Variants in ERBB4 observed in about 807,000 individuals in gnomAD.
ERBB4 encodes erb-b2 receptor tyrosine kinase 4, also known as receptor tyrosine-protein kinase erbB-4.
ERBB4 carries 42 observed loss-of-function variants against 158.0 expected under a neutral mutation model. That is an observed-to-expected ratio of 0.27 (90% CI 0.21 to 0.34). The LOEUF (loss-of-function observed/expected upper bound fraction) is 0.34. Ranked by LOEUF, ERBB4 falls within the 10% of genes least tolerant of loss-of-function variation. The pLI is 1.00. For synonymous variants in ERBB4, 583 were observed against 558.7 expected (o/e 1.04, Z -0.61); for missense variants, 1,333 against 1,624.1 (o/e 0.82, Z 3.08).
At chr2:212,228,707 A>G (rs975672532) in intron 1 of ERBB4, among the ~76,000 whole-genome samples, 3 of 152,236 alleles carry the variant, frequency 2.0e-5, no homozygotes, top group African/African-American at 7.2e-5. Context: ...TGCAGTGGAA[A>G]GCAAATGGAG....
chr2:211,466,351 A>ATTT (rs1559196625), intron 20 of ERBB4, among the ~76,000 whole-genome samples: 7 of 98,962 alleles, frequency 7.1e-5, no homozygotes, highest in African/African-American at 2.8e-4. Context: ...TTTTTTTTTA[A>ATTT]AAAAAAAAAA....
chr2:212,345,061 C>G (rs963406461), intron 1 of ERBB4, among the ~76,000 whole-genome samples: 1 of 151,676 alleles, frequency 6.6e-6, no homozygotes, highest in African/African-American at 2.4e-5. Context: ...GAAGATCGAT[C>G]GAGACCATCC....
chr2:211,679,723 A>C (rs971022687), intron 12 of ERBB4, among the ~76,000 whole-genome samples: 2 of 152,182 alleles, frequency 1.3e-5, no homozygotes, highest in East Asian at 1.9e-4. Flanking sequence ...TTTGTCACCC[A>C]GATCCAAGTG....
At chr2:211,385,160 G>A (rs2125314570) in intron 27 of ERBB4, among the ~76,000 whole-genome samples, 1 of 152,046 alleles carries the variant, frequency 6.6e-6, no homozygotes, top group South Asian at 2.1e-4. Flanking sequence ...TATTAAGTGA[G>A]GATTATTTTT....
At chr2:211,758,115 A>G (rs1297978370) in intron 4 of ERBB4, among the ~76,000 whole-genome samples, 1 of 152,234 alleles carries the variant, frequency 6.6e-6, no homozygotes. Context: ...TGTGATTGTA[A>G]GAAGGACTAA....
At chr2:211,735,504 G>A (rs762504312) in intron 5 of ERBB4, among the ~76,000 whole-genome samples, 11 of 152,054 alleles carry the variant, frequency 7.2e-5, no homozygotes, top group African/African-American at 2.2e-4. Flanking sequence ...TAAATACAAC[G>A]CCAAATAGCT....
chr2:211,387,025 A>G lies in ERBB4; in HGVS notation c.3309T>C (p.Asp1103=). The change falls in exon 27 of 28, where the codon GAT becomes GAC. Residue 1103 remains aspartate (D), a synonymous_variant. Coordinates refer to ENST00000342788, the MANE Select transcript of ERBB4 (RefSeq NM_005235.3). ...GTAGGGTGCCATTACAGCAGGAGTC[A>G]TCAAAAATCTCAGCAGTAGCACCCT... is the stretch of plus-strand genomic sequence containing the variant. ...VAQGATAEIF[D]DSCCNGTLRK... 15 of 1,614,084 alleles carry G rather than the reference A, an allele frequency of 9.3e-6. No homozygotes were observed. The highest frequency in any genetic ancestry group is 1.3e-5 in the Non-Finnish European group (15 of 1,180,002).
intron 1 of ERBB4, among the ~76,000 whole-genome samples, chr2:212,307,250 T>C (rs1275545821): frequency 2.7e-5 from 4 of 150,892 alleles, no homozygotes; most frequent in Non-Finnish European, 5.9e-5. Context: ...ATCATTCTCA[T>C]AATAGAGGAA....
chr2:212,407,628 A>AAT (rs935516352), intron 1 of ERBB4, among the ~76,000 whole-genome samples: 9 of 152,078 alleles, frequency 5.9e-5, no homozygotes, highest in Admixed American at 1.3e-4. Flanking sequence ...GAGTATGTGT[A>AAT]ATATATATAT....
chr2:212,146,986 C>CTTTTTTTT lies in ERBB4; in HGVS notation c.83-22091_83-22084dup, dbSNP rs34029473. 8.9e-4 allele frequency among the ~76,000 whole-genome samples: 69 copies of CTTTTTTTT among 77,448 alleles called. 6 individuals are homozygous for CTTTTTTTT. Among genetic ancestry groups the CTTTTTTTT allele is most frequent in the Non-Finnish European group, 1.1e-3 (50 of 44,012 alleles). 50.8% of individuals were successfully genotyped at this position (77,448 alleles called of 152,430 possible). A position where few individuals can be genotyped will look rare whatever the true frequency, so the allele number is the denominator to read the frequency against. On this transcript the variant is annotated intron_variant, in intron 1 of 27. Coordinates refer to ENST00000342788, the MANE Select transcript of ERBB4 (RefSeq NM_005235.3). ...GAGAAGCTCTGTTGTCATTGTTAGA[C>CTTTTTTTT]TTTTTTTTTTTTTTTTTTTTTTGAG...
chr2:212,476,375 A>G (rs1689403909), intron 1 of ERBB4, among the ~76,000 whole-genome samples: 1 of 152,164 alleles, frequency 6.6e-6, no homozygotes, highest in Non-Finnish European at 1.5e-5. Context: ...TGTCAAATTA[A>G]TGTGCATAGC....
chr2:212,471,612 G>T (rs963738178), intron 1 of ERBB4, among the ~76,000 whole-genome samples: 2 of 151,800 alleles, frequency 1.3e-5, no homozygotes, highest in Non-Finnish European at 3.0e-5. Flanking sequence ...AGACCAGATT[G>T]TTTTTAAAAT....
At chr2:211,493,583 A>AC (rs1045024101) in intron 20 of ERBB4, among the ~76,000 whole-genome samples, 8 of 152,110 alleles carry the variant, frequency 5.3e-5, no homozygotes, top group African/African-American at 9.6e-5. Flanking sequence ...AAAAACAAAA[A>AC]AAAACACCTT....
At chr2:212,003,536 C>T (rs1357026956) in intron 2 of ERBB4, among the ~76,000 whole-genome samples, 1 of 151,878 alleles carries the variant, frequency 6.6e-6, no homozygotes, top group Non-Finnish European at 1.5e-5. Context: ...ATGGAAAACA[C>T]CACCTCTCTA....
intron 1 of ERBB4, among the ~76,000 whole-genome samples, chr2:212,449,011 C>T (rs1027796453): frequency 6.6e-6 from 1 of 152,094 alleles, no homozygotes; most frequent in African/African-American, 2.4e-5. Context: ...TTTATCTCTT[C>T]ATATTTCTAT....
chr2:212,149,089 A>G (rs899484303), intron 1 of ERBB4, among the ~76,000 whole-genome samples: 9 of 149,022 alleles, frequency 6.0e-5, no homozygotes, highest in Non-Finnish European at 8.9e-5. Context: ...TGGGTGCAGC[A>G]CACCAGCATG....
intron 1 of ERBB4, among the ~76,000 whole-genome samples, chr2:212,318,318 CTGT>C (rs1241712394): frequency 6.6e-6 from 1 of 151,504 alleles, no homozygotes; most frequent in East Asian, 2.0e-4. Context: ...GATATAATTA[CTGT>C]TGTAATCAGC....
intron 1 of ERBB4, among the ~76,000 whole-genome samples, chr2:212,427,886 C>T (rs986887254): frequency 4.6e-5 from 7 of 152,020 alleles, no homozygotes; most frequent in African/African-American, 1.7e-4. Flanking sequence ...ACATGAAAAG[C>T]TAGAGGAAGA....
At chr2:212,050,889 A>G (rs1277883192) in intron 2 of ERBB4, among the ~76,000 whole-genome samples, 1 of 152,054 alleles carries the variant, frequency 6.6e-6, no homozygotes, top group Non-Finnish European at 1.5e-5. Flanking sequence ...ATACCAATCC[A>G]CCTCCAGAAA....
Sources: gnomAD v4.1 joint callset for allele counts (sites outside exome capture counted in the v4.1 genomes callset) on GRCh38, gnomAD v4.1.1 for gene constraint, MANE v1.5 for transcripts, NCBI Gene and HGNC (gene_info 2026-07-23, HGNC 2026-07-21) for gene names.